PDE1A: variants seen among roughly 807,000 people sequenced by gnomAD.
PDE1A encodes phosphodiesterase 1A.
Under a neutral mutation model 61.7 loss-of-function variants are expected in PDE1A, and 35 were observed. The observed-to-expected ratio is 0.57, with a 90% CI of 0.43 to 0.75. PDE1A has a LOEUF of 0.75. Ranked by LOEUF, PDE1A falls within the 30% of genes least tolerant of loss-of-function variation. The pLI, the probability that PDE1A is intolerant of heterozygous loss-of-function variation, is 0.00. For synonymous variants in PDE1A, 232 were observed against 213.2 expected (o/e 1.09, Z -0.77); for missense variants, 597 against 630.6 (o/e 0.95, Z 0.57).
chr2:182,475,318 T>G (rs1268630778), intron 2 of PDE1A, among the ~76,000 whole-genome samples: 3 of 151,894 alleles, frequency 2.0e-5, no homozygotes, highest in Non-Finnish European at 2.9e-5. Context: ...GATACAGTGT[T>G]GATAGCCCCA....
At chr2:182,595,856 T>C in the PDE1A span, among the ~76,000 whole-genome samples, 2 of 152,186 alleles carry the variant, frequency 1.3e-5, no homozygotes, top group Non-Finnish European at 2.9e-5. Context: ...GAGATGACTA[T>C]AACATTGGCC....
the PDE1A span, among the ~76,000 whole-genome samples, chr2:182,591,261 T>C: frequency 6.6e-6 from 1 of 152,196 alleles, no homozygotes; most frequent in Non-Finnish European, 1.5e-5. Context: ...TCTATTACAA[T>C]AAGTGTAAGT....
intron 13 of PDE1A, among the ~76,000 whole-genome samples, chr2:182,174,876 T>G (rs1692588221): frequency 6.6e-6 from 1 of 152,160 alleles, no homozygotes; most frequent in Middle Eastern, 3.2e-3. Flanking sequence ...ATATTTCTCC[T>G]AATGCTATTC....
intron 7 of PDE1A, among the ~76,000 whole-genome samples, chr2:182,219,554 A>G (rs1229903920): frequency 2.6e-5 from 4 of 152,088 alleles, no homozygotes; most frequent in Non-Finnish European, 2.9e-5. Context: ...AAGAAAGTCA[A>G]GTTAAAACTT....
At chr2:182,687,038 G>A in the PDE1A span, among the ~76,000 whole-genome samples, 1 of 152,232 alleles carries the variant, frequency 6.6e-6, no homozygotes, top group East Asian at 1.9e-4. Context: ...CCGCTGGGAA[G>A]CTTGAACTAG....
At chr2:182,493,369 G>C (rs934637761) in intron 2 of PDE1A, among the ~76,000 whole-genome samples, 3 of 151,840 alleles carry the variant, frequency 2.0e-5, no homozygotes, top group African/African-American at 7.3e-5. Context: ...TGCCGTGTTG[G>C]TGTGCTGCAC....
chr2:182,349,740 C>T lies in PDE1A; in HGVS notation c.53+76838G>A, dbSNP rs551917730. 1.1e-4 allele frequency among the ~76,000 whole-genome samples: 16 copies of T among 152,166 alleles called. 1 individual carries two copies. The highest frequency in any genetic ancestry group is 3.9e-4 in the African/African-American group (16 of 41,518). The stretch of plus-strand genomic sequence containing the variant: ...GCACCACTGCACTCCAGCCTGGCAG[C>T]AGAGTGAGACTCCATCTCAAAACAA... On this transcript the variant is annotated intron_variant, in intron 1 of 13. Coordinates refer to ENST00000351439, the Ensembl canonical transcript of PDE1A.
chr2:182,316,381 A>C (rs1696342282), intron 1 of PDE1A, among the ~76,000 whole-genome samples: 1 of 152,186 alleles, frequency 6.6e-6, no homozygotes, highest in Non-Finnish European at 1.5e-5. Context: ...GCAAACAGGA[A>C]TTATTATCAC....
chr2:182,440,249 A>G (rs1684701709), intron 2 of PDE1A, among the ~76,000 whole-genome samples: 1 of 152,072 alleles, frequency 6.6e-6, no homozygotes, highest in African/African-American at 2.4e-5. Context: ...TGATTTCTAT[A>G]GAAACTCACA....
intron 1 of PDE1A, among the ~76,000 whole-genome samples, chr2:182,370,234 T>C (rs769645469): frequency 5.3e-5 from 8 of 151,914 alleles, no homozygotes; most frequent in Admixed American, 3.9e-4. Context: ...TCTTTTTTCC[T>C]GTGAGATAAG....
At chr2:182,219,528 A>G (rs1187634925) in intron 7 of PDE1A, among the ~76,000 whole-genome samples, 3 of 152,116 alleles carry the variant, frequency 2.0e-5, no homozygotes, top group Non-Finnish European at 4.4e-5. Flanking sequence ...GAATATTGAC[A>G]ACAAATATAG....
chr2:182,694,471 C>G, the PDE1A span, among the ~76,000 whole-genome samples: 1 of 152,098 alleles, frequency 6.6e-6, no homozygotes, highest in African/African-American at 2.4e-5. Flanking sequence ...GAAGCGGTAA[C>G]GAAGCCTACT....
At chr2:182,306,321 C>G (rs192633908) in intron 1 of PDE1A, among the ~76,000 whole-genome samples, 1 of 152,102 alleles carries the variant, frequency 6.6e-6, no homozygotes, top group Non-Finnish European at 1.5e-5. Context: ...CTTTGACATA[C>G]TGATTTCAAA....
At chr2:182,666,898 T>G in the PDE1A span, among the ~76,000 whole-genome samples, 3 of 152,104 alleles carry the variant, frequency 2.0e-5, no homozygotes. Context: ...GGTATTTCCT[T>G]TTTCCCAGTA....
At chr2:182,204,647 G>A (rs1422194360) in intron 8 of PDE1A, among the ~76,000 whole-genome samples, 1 of 152,104 alleles carries the variant, frequency 6.6e-6, no homozygotes, top group African/African-American at 2.4e-5. Flanking sequence ...AATATTGTAT[G>A]TAATACAAAT....
Position 182,281,622 on chromosome 2 carries a change from C to T in PDE1A, c.54-17208G>A, listed in dbSNP as rs1373818028. 1.3e-4 allele frequency among the ~76,000 whole-genome samples: 20 copies of T among 152,048 alleles called. 1 individual carries two copies. The highest frequency in any genetic ancestry group is 2.6e-4 in the Admixed American group (4 of 15,232). ...TACTCTATGTACACCATATTCAACA[C>T]GTGCTTTTACAGCCAGAAGAGAACT... On this transcript the variant is annotated intron_variant, in intron 1 of 13. Coordinates refer to ENST00000351439, the Ensembl canonical transcript of PDE1A.
chr2:182,540,383 AAAGCAGCAGC>A, the PDE1A span, among the ~76,000 whole-genome samples: 2 of 72,754 alleles, frequency 2.7e-5, no homozygotes, highest in African/African-American at 7.9e-5. Context: ...AAAAAAAAAA[AAAGCAGCAGC>A]AGCAGCAGCA....
intron 13 of PDE1A, among the ~76,000 whole-genome samples, chr2:182,170,158 T>C (rs1410964781): frequency 6.6e-6 from 1 of 152,066 alleles, no homozygotes; most frequent in African/African-American, 2.4e-5. Context: ...GGTTTTGAAT[T>C]TGGGCAAAAT....
chr2:182,174,662 T>A (rs925285552), intron 13 of PDE1A, among the ~76,000 whole-genome samples: 16 of 152,138 alleles, frequency 1.1e-4, no homozygotes, highest in African/African-American at 3.6e-4. Flanking sequence ...ATAGTGTAAA[T>A]AATTCAATTA....
Sources: gnomAD v4.1 joint callset for allele counts (sites outside exome capture counted in the v4.1 genomes callset) on GRCh38, gnomAD v4.1.1 for gene constraint, MANE v1.5 for transcripts, NCBI Gene and HGNC (gene_info 2026-07-23, HGNC 2026-07-21) for gene names.